DACH2: variants seen among roughly 807,000 people sequenced by gnomAD.
DACH2 encodes the protein dachshund homolog 2.
In DACH2, 17 loss-of-function variants were observed where a neutral mutation model predicts 35.8. That is an observed-to-expected ratio of 0.48 (90% confidence interval 0.33 to 0.71). The LOEUF is 0.71. DACH2 is among the 30% of genes least tolerant of loss of function. DACH2 has a pLI of 0.02. For synonymous variants in DACH2, 195 were observed against 177.3 expected, an observed-to-expected ratio of 1.10 and a Z score of -0.79; for missense variants, 469 against 472.7, an observed-to-expected ratio of 0.99 and a Z score of 0.07.
chrX:86,378,440 AC>A (rs1305429405), intron 2 of DACH2, among the ~76,000 whole-genome samples: 2 of 110,181 alleles, frequency 1.8e-5, no homozygotes, highest in African/African-American at 6.6e-5. Flanking sequence ...ACTATGGTGA[AC>A]CAGGGAGTAT....
chrX:86,192,845 G>A (rs1030356812), intron 1 of DACH2, among the ~76,000 whole-genome samples: 1 of 112,178 alleles, frequency 8.9e-6, no homozygotes, highest in Non-Finnish European at 1.9e-5. Flanking sequence ...AAGTTCTGTA[G>A]AAGTTTAGAA....
chrX:86,690,962 T>A (rs2041003532), intron 4 of DACH2, among the ~76,000 whole-genome samples: 1 of 111,986 alleles, frequency 8.9e-6, no homozygotes, highest in Non-Finnish European at 1.9e-5. Flanking sequence ...TCAAATAAAT[T>A]ATTCAGTTAA....
chrX:86,827,750 T>C, intron 11 of DACH2: 1 of 1,164,790 alleles, frequency 8.6e-7, no homozygotes, highest in Admixed American at 2.6e-5. Flanking sequence ...CAGGTCTTAT[T>C]GTTTTTTCTG....
At chrX:86,599,046 A>T (rs1260509664) in intron 3 of DACH2, among the ~76,000 whole-genome samples, 1 of 110,819 alleles carries the variant, frequency 9.0e-6, no homozygotes, top group Non-Finnish European at 1.9e-5. Flanking sequence ...GAGTGAGAAC[A>T]TGCGGTGTTT....
intron 1 of DACH2, among the ~76,000 whole-genome samples, chrX:86,280,604 T>TTAAC (rs1266979670): frequency 1.8e-5 from 2 of 112,088 alleles, no homozygotes; most frequent in African/African-American, 6.5e-5. Flanking sequence ...CATTACAATA[T>TTAAC]TAACTTTAAA....
At chrX:86,514,874 C>T (rs772767833) in intron 3 of DACH2, among the ~76,000 whole-genome samples, 29 of 111,374 alleles carry the variant, frequency 2.6e-4, no homozygotes, top group Non-Finnish European at 4.7e-4. Context: ...GAAGAAGGTG[C>T]AGGTGGTCAT....
At chrX:86,569,570 G>A (rs960046669) in intron 3 of DACH2, among the ~76,000 whole-genome samples, 1 of 110,777 alleles carries the variant, frequency 9.0e-6, no homozygotes, top group Non-Finnish European at 1.9e-5. Context: ...ACTTAAACTC[G>A]GCATTTTGAA....
chrX:86,608,286 T>C (rs1015213982), intron 3 of DACH2, among the ~76,000 whole-genome samples: 1 of 111,554 alleles, frequency 9.0e-6, no homozygotes, highest in Non-Finnish European at 1.9e-5. Context: ...GGAGAGCATG[T>C]GGAGAAATAG....
chrX:86,527,482 G>A (rs2038651035), intron 3 of DACH2, among the ~76,000 whole-genome samples: 1 of 112,060 alleles, frequency 8.9e-6, no homozygotes, highest in African/African-American at 3.2e-5. Flanking sequence ...CTTTCCTTTA[G>A]CATAATTTTA....
chrX:86,261,145 T>C (rs1412654561), intron 1 of DACH2, among the ~76,000 whole-genome samples: 1 of 112,228 alleles, frequency 8.9e-6, no homozygotes, highest in Non-Finnish European at 1.9e-5. Context: ...TTCTAGGAGC[T>C]AAAGAGTTAA....
intron 1 of DACH2, among the ~76,000 whole-genome samples, chrX:86,184,835 A>G (rs1158384750): frequency 2.7e-5 from 3 of 111,657 alleles, no homozygotes; most frequent in African/African-American, 9.8e-5. Context: ...AAAACACAAC[A>G]TGGAACAATT....
chrX:86,360,950 TTTAA>T (rs1185598833), intron 1 of DACH2, among the ~76,000 whole-genome samples: 2 of 111,439 alleles, frequency 1.8e-5, no homozygotes, highest in East Asian at 2.8e-4. Context: ...GCTTATATGC[TTTAA>T]TTGTTATTCT....
At chrX:86,579,295 G>T (rs2039473747) in intron 3 of DACH2, among the ~76,000 whole-genome samples, 1 of 110,997 alleles carries the variant, frequency 9.0e-6, no homozygotes, top group Non-Finnish European at 1.9e-5. Context: ...GTTTCACTGT[G>T]TTGGCCAGGC....
At chrX:86,462,259 A>G (rs1474989712) in intron 2 of DACH2, among the ~76,000 whole-genome samples, 1 of 111,956 alleles carries the variant, frequency 8.9e-6, no homozygotes, top group Non-Finnish European at 1.9e-5. Context: ...GTTTCTTTAT[A>G]TTTCTCTTTG....
chrX:86,530,948 C>A (rs1195414890), intron 3 of DACH2, among the ~76,000 whole-genome samples: 1 of 111,892 alleles, frequency 8.9e-6, no homozygotes, highest in Non-Finnish European at 1.9e-5. Context: ...AAAGGTCACT[C>A]TTGCTATGCT....
At chrX:86,789,923 G>A (rs1232430536) in intron 7 of DACH2, among the ~76,000 whole-genome samples, 1 of 110,978 alleles carries the variant, frequency 9.0e-6, no homozygotes. Flanking sequence ...GTGGAGGAAT[G>A]GAATTAACCA....
chrX:86,703,949 A>G (rs895632290), intron 5 of DACH2, among the ~76,000 whole-genome samples: 6 of 112,230 alleles, frequency 5.3e-5, no homozygotes, highest in African/African-American at 1.6e-4. Context: ...TAACAAAAAA[A>G]CTATCATAAA....
intron 4 of DACH2, among the ~76,000 whole-genome samples, chrX:86,654,008 G>A (rs2040509432): frequency 9.2e-6 from 1 of 108,656 alleles, no homozygotes; most frequent in East Asian, 2.9e-4. Flanking sequence ...TTGGTGGCCA[G>A]CTTTGTTCCT....
intron 2 of DACH2, among the ~76,000 whole-genome samples, chrX:86,489,339 C>A (rs1346950372): frequency 9.1e-6 from 1 of 110,188 alleles, no homozygotes; most frequent in Non-Finnish European, 1.9e-5. Context: ...CCAAAGTTCT[C>A]ATTTTTAAGT....
Sources: allele counts gnomAD v4.1 joint callset (sites outside exome capture counted in the v4.1 genomes callset), GRCh38; gene constraint gnomAD v4.1.1; transcripts MANE v1.5; gene names NCBI Gene and HGNC (gene_info 2026-07-23, HGNC 2026-07-21).